Variants in EYS observed in about 807,000 individuals in gnomAD.
EYS encodes protein eyes shut homolog.
In EYS, 250 loss-of-function variants were observed where a neutral mutation model predicts 282.1. The observed-to-expected ratio is 0.89, with a 90% CI of 0.80 to 0.98. The LOEUF (loss-of-function observed/expected upper bound fraction) is 0.98. Ranked by LOEUF, EYS falls within the 50% of genes least tolerant of loss-of-function variation. EYS has a pLI of 0.00. For synonymous variants in EYS, 1,355 were observed against 1,282.9 expected (o/e 1.06, Z -1.20); for missense variants, 4,016 against 3,709.0 (o/e 1.08, Z -2.15).
intron 25 of EYS, 71 bp downstream of exon 25, chr6:64,593,046 C>G: frequency 8.7e-7 from 1 of 1,152,496 alleles, no homozygotes. Context: ...TTTAATAATG[C>G]AGAAAATATG....
intron 31 of EYS, among the ~76,000 whole-genome samples, chr6:64,104,475 T>G (rs1772938429): frequency 6.6e-6 from 1 of 152,134 alleles, no homozygotes. Context: ...AAATAAATTA[T>G]TCTCATTTTC....
At chr6:64,421,858 GGGGTGTGT>G (rs1396757369) in intron 28 of EYS, among the ~76,000 whole-genome samples, 2,871 of 52,722 alleles carry the variant, frequency 0.054, 93 homozygotes, top group African/African-American at 0.13. Flanking sequence ...TTTTGTTTGG[GGGGTGTGT>G]GTGTGTGTGT....
chr6:64,805,833 C>T (rs1168707059), intron 22 of EYS, among the ~76,000 whole-genome samples: 3 of 150,612 alleles, frequency 2.0e-5, no homozygotes, highest in African/African-American at 7.3e-5. Flanking sequence ...TTAAAAATCC[C>T]AAGGAAATTT....
chr6:65,458,769 T>C (rs1345983802), intron 5 of EYS, among the ~76,000 whole-genome samples: 1 of 152,136 alleles, frequency 6.6e-6, no homozygotes, highest in African/African-American at 2.4e-5. Flanking sequence ...TATCTTATAA[T>C]TGTGAAAACA....
chr6:64,714,232 C>T (rs1408469614), intron 22 of EYS, among the ~76,000 whole-genome samples: 1 of 151,998 alleles, frequency 6.6e-6, no homozygotes, highest in Non-Finnish European at 1.5e-5. Flanking sequence ...CAAAGAAAAC[C>T]TCATTGTTTT....
At chr6:65,454,075 T>C (rs80278713) in intron 5 of EYS, among the ~76,000 whole-genome samples, 1 of 151,176 alleles carries the variant, frequency 6.6e-6, no homozygotes, top group African/African-American at 2.4e-5. Flanking sequence ...ATGGTAGTTC[T>C]ATTTTTCATT....
At chr6:64,124,550 C>T (rs1773698132) in intron 31 of EYS, among the ~76,000 whole-genome samples, 2 of 152,166 alleles carry the variant, frequency 1.3e-5, no homozygotes, top group Non-Finnish European at 2.9e-5. Context: ...GGAGTTACTG[C>T]AGTTCAGTGG....
At chr6:64,173,178 A>T (rs1764532734) in intron 31 of EYS, among the ~76,000 whole-genome samples, 1 of 152,190 alleles carries the variant, frequency 6.6e-6, no homozygotes. Flanking sequence ...ACTCATAAAG[A>T]TACAGTGAAA....
At chr6:64,728,130 C>A (rs1160807604) in intron 22 of EYS, among the ~76,000 whole-genome samples, 1 of 152,096 alleles carries the variant, frequency 6.6e-6, no homozygotes, top group East Asian at 1.9e-4. Flanking sequence ...GGAGCCAGGG[C>A]AAGTGCTTTT....
At chr6:65,046,899 C>T (rs1317935312) in intron 13 of EYS, among the ~76,000 whole-genome samples, 2 of 151,752 alleles carry the variant, frequency 1.3e-5, no homozygotes, top group Non-Finnish European at 2.9e-5. Context: ...AGTGAGCTCT[C>T]ATTTTGAGTT....
chr6:65,341,081 G>A (rs72884883), intron 10 of EYS, among the ~76,000 whole-genome samples: 94 of 151,204 alleles, frequency 6.2e-4, no homozygotes, highest in Non-Finnish European at 1.1e-3. Context: ...ACTTTTTCAG[G>A]TGAGTCTATA....
In EYS at chr6:65,353,480, A is replaced by G. The variant is rs1764362801; in HGVS notation, c.1437T>C (p.Tyr479=). ...TACCTGCAAATCCCAATTGCCACACATATTCAAATTGAGCAGGACCTTTAT... is the reference window on the plus strand; with the variant it reads ...TACCTGCAAATCCCAATTGCCACACGTATTCAAATTGAGCAGGACCTTTAT... ...CQDKGPAQFE[Y]VWQLGFAGSE... is the part of the protein sequence containing the mutation. Residue 479 remains tyrosine (Y), a synonymous_variant, in exon 9 of 43, where the codon TAT becomes TAC. Transcript: ENST00000503581. 6.2e-7 allele frequency: 1 copy of G among 1,613,210 alleles called. No homozygotes were observed. Among genetic ancestry groups the G allele is most frequent in the Non-Finnish European group, 8.5e-7 (1 of 1,179,460 alleles).
At position 65,105,356 on chromosome 6, in the gene EYS, G is replaced by A. The variant is rs185642042; in HGVS notation, c.2024-47629C>T. On this transcript the variant is annotated intron_variant, in intron 12 of 42. Transcript: ENST00000503581. ...ATTGAGGAATAAGTAAGTGAAAATT[G>A]TAATTATATAAAACAATCTATAATC... Among the ~76,000 whole-genome samples, 76 of 151,740 alleles carry A rather than the reference G, an allele frequency of 5.0e-4. 1 individual carries two copies. The highest frequency in any genetic ancestry group is 1.7e-3 in the African/African-American group (72 of 41,484).
intron 30 of EYS, among the ~76,000 whole-genome samples, chr6:64,278,828 A>T (rs775399256): frequency 6.6e-6 from 1 of 151,806 alleles, no homozygotes; most frequent in Non-Finnish European, 1.5e-5. Flanking sequence ...CTGTGAAATG[A>T]TCATAGCTTA....
intron 30 of EYS, among the ~76,000 whole-genome samples, chr6:64,295,490 G>GAAGAAGAAGAAAGAAGA (rs1554140729): frequency 3.6e-5 from 1 of 28,158 alleles, no homozygotes; most frequent in African/African-American, 2.9e-4. Flanking sequence ...AGAAGAAGAA[G>GAAGAAGAAGAAAGAAGA]AAGAAGAAAG....
At chr6:64,938,766 C>T (rs539654639) in intron 15 of EYS, among the ~76,000 whole-genome samples, 13 of 151,592 alleles carry the variant, frequency 8.6e-5, no homozygotes, top group South Asian at 6.2e-4. Context: ...ATATTAAATA[C>T]TTACAAGTAC....
chr6:63,811,476 A>G (rs1771044808), intron 36 of EYS, among the ~76,000 whole-genome samples: 3 of 152,140 alleles, frequency 2.0e-5, no homozygotes, highest in South Asian at 4.2e-4. Flanking sequence ...CACTGTCCTG[A>G]TATTTTTTCC....
At chr6:64,360,890 C>T (rs946715307) in intron 29 of EYS, among the ~76,000 whole-genome samples, 1 of 151,616 alleles carries the variant, frequency 6.6e-6, no homozygotes, top group Non-Finnish European at 1.5e-5. Context: ...TTAGCATGCT[C>T]CTATTCCTTG....
rs559433484 is a variant in EYS at position 63,856,125 on chromosome 6, G to A, written c.7228+8061C>T. Among the ~76,000 whole-genome samples the A allele has an allele frequency of 2.0e-5, 3 of 151,086 alleles. No individual in the cohort carries two copies. In the East Asian group the frequency reaches 5.9e-4, roughly 30 times the overall value. Reference sequence around the variant, plus strand: ...CTCTTAAACCAACCAAGCAGAGCCTGATAGGTGTGGTGGGATCTGACAGTA... The same window carrying A: ...CTCTTAAACCAACCAAGCAGAGCCTAATAGGTGTGGTGGGATCTGACAGTA... On this transcript the variant is annotated intron_variant, in intron 36 of 42. Coordinates refer to ENST00000503581, the MANE Select transcript of EYS (RefSeq NM_001142800.2).
Sources: allele counts gnomAD v4.1 joint callset (sites outside exome capture counted in the v4.1 genomes callset), GRCh38; gene constraint gnomAD v4.1.1; transcripts MANE v1.5; gene names NCBI Gene and HGNC (gene_info 2026-07-23, HGNC 2026-07-21).